Variants in DENND5A observed in about 807,000 individuals in gnomAD.
DENND5A encodes the protein DENN domain containing 5A, also known as DENN domain-containing protein 5A.
DENND5A carries 64 observed loss-of-function variants against 140.3 expected under a neutral mutation model. That is an observed-to-expected ratio of 0.46 (90% CI 0.37 to 0.56). The LOEUF (loss-of-function observed/expected upper bound fraction) is 0.56, where lower values mean the gene tolerates loss of function less well. DENND5A is among the 20% of genes least tolerant of loss of function. DENND5A has a pLI of 0.00. For synonymous variants in DENND5A, 605 were observed against 607.7 expected, an observed-to-expected ratio of 1.00 and a Z score of 0.07; for missense variants, 1,292 against 1,593.8, an observed-to-expected ratio of 0.81 and a Z score of 3.22.
chr11:9,262,912 T>TG (rs1211688897), intron 1 of DENND5A, among the ~76,000 whole-genome samples: 1 of 151,728 alleles, frequency 6.6e-6, no homozygotes. Context: ...CGGCTAATTT[T>TG]TTGTATTTTT....
At chr11:9,218,824 G>A (rs1279291387) in intron 1 of DENND5A, among the ~76,000 whole-genome samples, 1 of 152,052 alleles carries the variant, frequency 6.6e-6, no homozygotes, top group Admixed American at 6.6e-5. Flanking sequence ...TAGCCAACAT[G>A]GTGAAACCCC....
chr11:9,178,797 C>T, intron 7 of DENND5A, 61 bp downstream of exon 7: 1 of 1,386,250 alleles, frequency 7.2e-7, no homozygotes, highest in East Asian at 2.3e-5. Flanking sequence ...TCCATTACTT[C>T]TTCAAGACAT....
At chr11:9,258,798 T>A (rs955430031) in intron 1 of DENND5A, among the ~76,000 whole-genome samples, 2 of 152,134 alleles carry the variant, frequency 1.3e-5, no homozygotes, top group African/African-American at 4.8e-5. Context: ...ATCTGTAAAA[T>A]CAGAAGGTTA....
chr11:9,215,813 G>A (rs1022534281), intron 1 of DENND5A, among the ~76,000 whole-genome samples: 1 of 152,088 alleles, frequency 6.6e-6, no homozygotes, highest in African/African-American at 2.4e-5. Flanking sequence ...GCCTCCCAAA[G>A]TGCTGGGATT....
intron 1 of DENND5A, among the ~76,000 whole-genome samples, chr11:9,213,286 G>A (rs1052730779): frequency 6.6e-6 from 1 of 151,956 alleles, no homozygotes; most frequent in Non-Finnish European, 1.5e-5. Context: ...GATTACAGGC[G>A]TGAGTTTCTG....
intron 12 of DENND5A, among the ~76,000 whole-genome samples, chr11:9,156,686 C>T (rs895100245): frequency 1.3e-5 from 2 of 151,734 alleles, no homozygotes; most frequent in Non-Finnish European, 2.9e-5. Flanking sequence ...GCTGTAGTCC[C>T]AGCTACTTGG....
intron 12 of DENND5A, among the ~76,000 whole-genome samples, chr11:9,153,344 CAAAAAAAAAAAA>C (rs59736475): frequency 2.2e-4 from 6 of 27,024 alleles, no homozygotes; most frequent in East Asian, 1.5e-3. Context: ...GGCTCCCTCT[CAAAAAAAAAAAA>C]AAAAAAAAAA....
intron 5 of DENND5A, among the ~76,000 whole-genome samples, chr11:9,191,857 T>G (rs889199929): frequency 1.3e-5 from 2 of 152,214 alleles, no homozygotes; most frequent in East Asian, 3.9e-4. Flanking sequence ...ATAATTAGGT[T>G]GACTAAGTTG....
intron 8 of DENND5A, among the ~76,000 whole-genome samples, chr11:9,177,265 AAAAG>A (rs1564897960): frequency 3.3e-5 from 5 of 151,264 alleles, no homozygotes; most frequent in South Asian, 4.2e-4. Context: ...AAAAAAAAAA[AAAAG>A]AAAGAAAGAA....
intron 6 of DENND5A, among the ~76,000 whole-genome samples, chr11:9,179,963 C>T (rs1848672772): frequency 2.0e-5 from 3 of 152,068 alleles, no homozygotes; most frequent in Admixed American, 2.0e-4. Context: ...TACATTGGCC[C>T]ATTGGTTTAT....
At chr11:9,195,583 T>C (rs1185224836) in intron 4 of DENND5A, among the ~76,000 whole-genome samples, 1 of 152,194 alleles carries the variant, frequency 6.6e-6, no homozygotes, top group Non-Finnish European at 1.5e-5. Context: ...GCTTGGTTCA[T>C]AAAGTAGTTG....
intron 1 of DENND5A, among the ~76,000 whole-genome samples, chr11:9,225,467 A>G (rs1179265293): frequency 6.6e-6 from 1 of 152,198 alleles, no homozygotes; most frequent in Non-Finnish European, 1.5e-5. Flanking sequence ...GCTCTTAATA[A>G]TAATAGTTTT....
In DENND5A at chr11:9,265,120, G is replaced by A. The variant is rs991214219; in HGVS notation, c.-51C>T. On this transcript the variant is annotated 5_prime_UTR_variant, in exon 1 of 23. Transcript: ENST00000328194. This position sits in a 1 kb window ranked among gnomAD's most constrained non-coding sequence, Gnocchi z 4.7. ...CAGTGCGGAGCGGCACCGAGCCCCC[G>A]CAACCCGGGCGCCCGCCCGTCCGCC... 9.6e-5 allele frequency: 106 copies of A among 1,101,624 alleles called. No individual in the cohort carries two copies. Among genetic ancestry groups the A allele is most frequent in the Non-Finnish European group, 1.1e-4 (99 of 889,680 alleles). The allele number at this position is 1,101,624 out of a possible 1,614,324, so 68.2% of individuals were successfully genotyped here.
intron 15 of DENND5A, among the ~76,000 whole-genome samples, chr11:9,149,121 C>T (rs974153523): frequency 2.6e-5 from 4 of 152,194 alleles, no homozygotes; most frequent in African/African-American, 9.7e-5. Flanking sequence ...TGGGAGCTAA[C>T]TCATTTCTTC....
At chr11:9,259,754 C>T (rs778346221) in intron 1 of DENND5A, among the ~76,000 whole-genome samples, 3 of 152,052 alleles carry the variant, frequency 2.0e-5, no homozygotes, top group Non-Finnish European at 4.4e-5. Context: ...TCAGGCCAGG[C>T]GAAGCGGCTC....
At chr11:9,152,989 C>T (rs866705819) in intron 12 of DENND5A, among the ~76,000 whole-genome samples, 1 of 141,116 alleles carries the variant, frequency 7.1e-6, no homozygotes, top group Non-Finnish European at 1.5e-5. Context: ...CAGGGTGAGA[C>T]GCCGTCTCAA....
At position 9,139,867 on chromosome 11, in the gene DENND5A, G is replaced by A. The variant is rs1417733151; in HGVS notation, c.3681-13C>T. 1.2e-6 allele frequency: 2 copies of A among 1,613,186 alleles called. No homozygotes were observed. The highest frequency in any genetic ancestry group is 3.3e-5 in the Admixed American group (2 of 59,986). On this transcript the variant is annotated splice_polypyrimidine_tract_variant and intron_variant, in intron 22 of 22. Transcript: ENST00000328194. ...TAGGAGGTGATCTCTGGCAGAGCGG[G>A]AGCAGTCCAGGCAGGTCAGAGGGGC...
intron 1 of DENND5A, among the ~76,000 whole-genome samples, chr11:9,220,879 C>A (rs113966499): frequency 6.6e-6 from 1 of 150,988 alleles, no homozygotes; most frequent in Non-Finnish European, 1.5e-5. Context: ...GGCGACAAAG[C>A]GAGACTCTGT....
intron 8 of DENND5A, among the ~76,000 whole-genome samples, chr11:9,176,528 C>T (rs1040741513): frequency 2.4e-4 from 36 of 152,034 alleles, no homozygotes; most frequent in African/African-American, 7.5e-4. Flanking sequence ...AACATCCCTA[C>T]ATGCTGGGTA....
Sources: allele counts gnomAD v4.1 joint callset (sites outside exome capture counted in the v4.1 genomes callset), GRCh38; gene constraint gnomAD v4.1.1; non-coding constraint Gnocchi (gnomAD v3.1); transcripts MANE v1.5; gene names NCBI Gene and HGNC (gene_info 2026-07-23, HGNC 2026-07-21).